Variants in MAGI1 observed in about 807,000 individuals in gnomAD.
The protein encoded by MAGI1 is membrane-associated guanylate kinase, WW and PDZ domain-containing protein 1.
A neutral mutation model predicts 139.9 loss-of-function variants in MAGI1; 58 were observed. That is an observed-to-expected ratio of 0.41 (90% CI 0.34 to 0.52). The LOEUF (loss-of-function observed/expected upper bound fraction) is 0.52, where lower values mean the gene tolerates loss of function less well. Among genes scored for constraint, MAGI1 ranks in the 20% least tolerant of loss-of-function variants. The pLI is 0.12. For missense variants in MAGI1, 1,874 were observed against 1,901.6 expected, an observed-to-expected ratio of 0.99 and a Z score of 0.27; for synonymous variants, 812 against 737.9, an observed-to-expected ratio of 1.10 and a Z score of -1.63.
chr3:65,363,682 A>C (rs1367279311), intron 20 of MAGI1, 74 bp from the exon 21 acceptor site: 2 of 1,289,398 alleles, frequency 1.6e-6, no homozygotes, highest in African/African-American at 1.5e-5. Context: ...CATTCTTGGC[A>C]AAAAGGCACA....
chr3:65,993,127 G>A (rs2066267637), intron 1 of MAGI1, among the ~76,000 whole-genome samples: 1 of 152,154 alleles, frequency 6.6e-6, no homozygotes, highest in Non-Finnish European at 1.5e-5. Flanking sequence ...CTTCATTACA[G>A]CTTTATTTCC....
At chr3:65,972,321 A>G (rs898275803) in intron 1 of MAGI1, among the ~76,000 whole-genome samples, 2 of 152,218 alleles carry the variant, frequency 1.3e-5, no homozygotes, top group South Asian at 4.1e-4. Flanking sequence ...TATTTTAGAA[A>G]ATGTCCAGCA....
At chr3:66,037,946 G>C in intron 1 of MAGI1, 50 bp downstream of exon 1, 1 of 1,517,608 alleles carries the variant, frequency 6.6e-7, no homozygotes, top group Non-Finnish European at 8.8e-7. Flanking sequence ...GCAGCCCACA[G>C]ACCACCCTCC....
intron 2 of MAGI1, among the ~76,000 whole-genome samples, chr3:65,609,251 A>G (rs2082909663): frequency 6.6e-6 from 1 of 151,078 alleles, no homozygotes; most frequent in Non-Finnish European, 1.5e-5. Flanking sequence ...TGCTATATTT[A>G]TTTCATCTCT....
chr3:65,934,595 G>A (rs181865282), intron 1 of MAGI1, among the ~76,000 whole-genome samples: 152 of 152,076 alleles, frequency 1.0e-3, no homozygotes, highest in African/African-American at 3.5e-3. Flanking sequence ...TAAGAAAAAG[G>A]CTCCCAACCT....
intron 2 of MAGI1, among the ~76,000 whole-genome samples, chr3:65,510,765 C>G (rs1235647429): frequency 7.5e-6 from 1 of 134,070 alleles, no homozygotes; most frequent in Non-Finnish European, 1.6e-5. Context: ...CCCAATCTAG[C>G]AAGGCAGGCC....
At chr3:65,757,195 A>C (rs1361928855) in intron 1 of MAGI1, among the ~76,000 whole-genome samples, 2 of 152,152 alleles carry the variant, frequency 1.3e-5, no homozygotes, top group Non-Finnish European at 2.9e-5. Flanking sequence ...ATTTTCACTG[A>C]GTTTGAGGGC....
chr3:65,885,546 T>C (rs555188247), intron 1 of MAGI1, among the ~76,000 whole-genome samples: 3 of 152,292 alleles, frequency 2.0e-5, no homozygotes, highest in South Asian at 4.1e-4. Context: ...CCTTAATCCT[T>C]ACATGTCATG....
chr3:65,371,550 G>T (rs897195688), intron 18 of MAGI1, among the ~76,000 whole-genome samples: 2 of 152,088 alleles, frequency 1.3e-5, no homozygotes, highest in African/African-American at 4.8e-5. Context: ...GGGTGGCTGT[G>T]GCAACCTCTT....
chr3:65,610,939 T>C (rs1263139392), intron 2 of MAGI1, among the ~76,000 whole-genome samples: 1 of 138,740 alleles, frequency 7.2e-6, no homozygotes, highest in Non-Finnish European at 1.5e-5. Context: ...ATAGTATATA[T>C]AGTAGATAGT....
At chr3:65,950,067 C>CAAAAAAAAAAA (rs61696952) in intron 1 of MAGI1, among the ~76,000 whole-genome samples, 3 of 76,710 alleles carry the variant, frequency 3.9e-5, no homozygotes, top group Non-Finnish European at 6.6e-5. Context: ...AACAAAAAAA[C>CAAAAAAAAAAA]AAAAAAAAAA....
chr3:65,688,518 G>A, intron 1 of MAGI1: 1 of 434,064 alleles, frequency 2.3e-6, no homozygotes, highest in Non-Finnish European at 4.5e-6. Flanking sequence ...GAGGCTTAAG[G>A]TAGGTGCTAC....
intron 12 of MAGI1, among the ~76,000 whole-genome samples, chr3:65,409,431 C>T (rs1465887387): frequency 6.6e-6 from 1 of 152,100 alleles, no homozygotes; most frequent in African/African-American, 2.4e-5. Flanking sequence ...GAAGCACATG[C>T]AATGATTGAT....
chr3:65,687,739 G>T, intron 1 of MAGI1: 1 of 547,100 alleles, frequency 1.8e-6, no homozygotes, highest in Non-Finnish European at 3.7e-6. Flanking sequence ...AAGCCTGAGA[G>T]CACAGGATCC....
intron 1 of MAGI1, among the ~76,000 whole-genome samples, chr3:65,803,394 A>C (rs1202295682): frequency 1.3e-5 from 2 of 152,120 alleles, no homozygotes; most frequent in African/African-American, 4.8e-5. Flanking sequence ...TTACATGCTT[A>C]CTGACTATAA....
chr3:65,637,687 T>C (rs2084722614), intron 1 of MAGI1, among the ~76,000 whole-genome samples: 1 of 152,216 alleles, frequency 6.6e-6, no homozygotes, highest in Non-Finnish European at 1.5e-5. Context: ...TGCATATATT[T>C]CCATACATTT....
At chr3:65,765,700 G>T (rs939956570) in intron 1 of MAGI1, among the ~76,000 whole-genome samples, 1 of 152,164 alleles carries the variant, frequency 6.6e-6, no homozygotes, top group Non-Finnish European at 1.5e-5. Context: ...ATTTTGTAAA[G>T]AACTTAATCA....
chr3:65,763,611 TA>T (rs2037216877), intron 1 of MAGI1, among the ~76,000 whole-genome samples: 2 of 152,210 alleles, frequency 1.3e-5, no homozygotes, highest in South Asian at 4.1e-4. Context: ...ACAAAGCTGC[TA>T]AGCACAAGGG....
At chr3:65,565,007 G>A (rs1400571346) in intron 2 of MAGI1, among the ~76,000 whole-genome samples, 1 of 152,156 alleles carries the variant, frequency 6.6e-6, no homozygotes, top group African/African-American at 2.4e-5. Context: ...CAGCTGAACT[G>A]CTGAGATACT....
Sources: allele counts gnomAD v4.1 joint callset (sites outside exome capture counted in the v4.1 genomes callset), GRCh38; gene constraint gnomAD v4.1.1; transcripts MANE v1.5; gene names NCBI Gene and HGNC (gene_info 2026-07-23, HGNC 2026-07-21).